NDST3: variants seen among roughly 807,000 people sequenced by gnomAD.
NDST3 encodes the protein N-deacetylase and N-sulfotransferase 3, also known as bifunctional heparan sulfate N-deacetylase/N-sulfotransferase 3.
NDST3 carries 58 observed loss-of-function variants against 96.1 expected under a neutral mutation model. That is an observed-to-expected ratio of 0.60 (90% CI 0.49 to 0.75). The LOEUF (loss-of-function observed/expected upper bound fraction) is 0.75. NDST3 is among the 30% of genes least tolerant of loss of function. NDST3 has a pLI of 0.00. For synonymous variants in NDST3, 333 were observed against 359.7 expected (o/e 0.93, Z 0.84); for missense variants, 788 against 1,034.2 (o/e 0.76, Z 3.27).
intron 3 of NDST3, among the ~76,000 whole-genome samples, chr4:118,111,489 G>A (rs1312239500): frequency 6.6e-6 from 1 of 151,206 alleles, no homozygotes; most frequent in Non-Finnish European, 1.5e-5. Context: ...CCAACCAAAT[G>A]TAATTAACCC....
At chr4:118,135,251 G>A (rs977416436) in intron 4 of NDST3, among the ~76,000 whole-genome samples, 2 of 152,178 alleles carry the variant, frequency 1.3e-5, no homozygotes, top group Admixed American at 6.5e-5. Context: ...AATCAGAAGA[G>A]AAGCAGGCTT....
At chr4:118,039,766 G>A (rs1724342487) in intron 1 of NDST3, among the ~76,000 whole-genome samples, 1 of 152,150 alleles carries the variant, frequency 6.6e-6, no homozygotes, top group Admixed American at 6.5e-5. Context: ...GCAGCATGTG[G>A]AAAGACCCTG....
At chr4:118,219,351 C>T (rs1051310304) in intron 6 of NDST3, among the ~76,000 whole-genome samples, 1 of 152,022 alleles carries the variant, frequency 6.6e-6, no homozygotes, top group African/African-American at 2.4e-5. Context: ...ACATATAGAC[C>T]AATGGAACAG....
At chr4:118,057,136 T>C (rs1448321549) in intron 2 of NDST3, among the ~76,000 whole-genome samples, 1 of 151,924 alleles carries the variant, frequency 6.6e-6, no homozygotes, top group Non-Finnish European at 1.5e-5. Flanking sequence ...TTGAACAACT[T>C]AGTAATTGGC....
At chr4:118,247,530 C>T (rs568545152) in intron 12 of NDST3, among the ~76,000 whole-genome samples, 40 of 151,420 alleles carry the variant, frequency 2.6e-4, no homozygotes, top group Admixed American at 1.5e-3. Flanking sequence ...CCAGCCTGGG[C>T]GACAAGAGTG....
intron 1 of NDST3, among the ~76,000 whole-genome samples, chr4:118,046,059 T>C (rs535111701): frequency 6.6e-6 from 1 of 151,828 alleles, no homozygotes; most frequent in South Asian, 2.1e-4. Flanking sequence ...TGGACAGATC[T>C]CTAGAAAGAA....
intron 6 of NDST3, among the ~76,000 whole-genome samples, chr4:118,178,295 G>A (rs1736395441): frequency 6.6e-6 from 1 of 151,868 alleles, no homozygotes; most frequent in Non-Finnish European, 1.5e-5. Context: ...TTTTCATATT[G>A]CAAATCTGCA....
At chr4:118,207,900 T>A (rs1413193361) in intron 6 of NDST3, among the ~76,000 whole-genome samples, 2 of 144,716 alleles carry the variant, frequency 1.4e-5, no homozygotes, top group Non-Finnish European at 3.1e-5. Context: ...ATGGTTCAGA[T>A]TTCATAACCT....
chr4:118,192,929 G>A (rs1458350271), intron 6 of NDST3, among the ~76,000 whole-genome samples: 1 of 152,106 alleles, frequency 6.6e-6, no homozygotes, highest in East Asian at 1.9e-4. Flanking sequence ...CTGGGGTGAG[G>A]AAGGGAACAG....
At chr4:118,035,370 G>C (rs1019734483) in intron 1 of NDST3, among the ~76,000 whole-genome samples, 3 of 151,364 alleles carry the variant, frequency 2.0e-5, no homozygotes, top group African/African-American at 7.3e-5. Context: ...TAATACATTT[G>C]TATTAAATTA....
chr4:118,168,161 T>G (rs2125933613), intron 6 of NDST3, among the ~76,000 whole-genome samples: 1 of 152,040 alleles, frequency 6.6e-6, no homozygotes, highest in South Asian at 2.1e-4. Context: ...TACCCTCATA[T>G]TGTATGTCTA....
intron 2 of NDST3, among the ~76,000 whole-genome samples, chr4:118,089,698 C>T (rs1439138951): frequency 6.6e-6 from 1 of 151,918 alleles, no homozygotes; most frequent in Non-Finnish European, 1.5e-5. Flanking sequence ...ACCAATTATA[C>T]ATAAGATCTG....
At chr4:118,083,508 C>A (rs1464271235) in intron 2 of NDST3, among the ~76,000 whole-genome samples, 1 of 151,882 alleles carries the variant, frequency 6.6e-6, no homozygotes, top group African/African-American at 2.4e-5. Flanking sequence ...TTGTCAGTAC[C>A]CTTTGATGAG....
chr4:118,173,606 T>C (rs907526100), intron 6 of NDST3, among the ~76,000 whole-genome samples: 4 of 152,150 alleles, frequency 2.6e-5, no homozygotes, highest in African/African-American at 9.6e-5. Context: ...AGCATAGCTA[T>C]ATAGCAGTAT....
intron 6 of NDST3, among the ~76,000 whole-genome samples, chr4:118,190,566 G>C (rs1017173353): frequency 6.6e-6 from 1 of 152,120 alleles, no homozygotes; most frequent in Non-Finnish European, 1.5e-5. Flanking sequence ...GAAGGGTAGG[G>C]CCTGTCTGAG....
upstream of NDST3, chr4:118,033,611 G>C (rs2110412295): frequency 6.6e-6 from 1 of 151,992 alleles, no homozygotes; most frequent in South Asian, 2.0e-4. Context: ...CCGCCCGGGA[G>C]GCGGTGGCGA....
chr4:118,054,495 T>C lies in NDST3; in HGVS notation c.585T>C (p.Ile195=), dbSNP rs200297586. Residue 195 remains isoleucine (I), a synonymous_variant, in exon 2 of 14, where the codon ATT becomes ATC. Coordinates refer to ENST00000296499, the MANE Select transcript of NDST3 (RefSeq NM_004784.3). ...ATCTTGCAGTAAAAGATTGTTGTAT[T>C]AATCCTCATTCTCCATTGATTCGTG... ...YGNLAVKDCC[I]NPHSPLIRVT... The C allele has an allele frequency of 1.4e-5, 22 of 1,613,272 alleles. No homozygotes were observed. The East Asian group carries it at 4.5e-4, about 33-fold the overall frequency.
In NDST3 at chr4:118,160,480, A is replaced by C. The variant is rs555743257; in HGVS notation, c.1539+16796A>C. The stretch of plus-strand genomic sequence containing the variant: ...AAACAAATTTACAAGAAAAAAAAAA[A>C]ACAACTTTATTTAAAAAGTGAGCAA... On this transcript the variant is annotated intron_variant, in intron 6 of 13. Transcript: ENST00000296499. Among the ~76,000 whole-genome samples, 157 of 152,032 alleles carry C rather than the reference A, an allele frequency of 1.0e-3. 1 individual carries two copies. The highest frequency in any genetic ancestry group is 1.5e-3 in the Non-Finnish European group (104 of 67,942).
chr4:118,040,844 T>C (rs1459456389), intron 1 of NDST3, among the ~76,000 whole-genome samples: 1 of 138,886 alleles, frequency 7.2e-6, no homozygotes, highest in Non-Finnish European at 1.5e-5. Context: ...GTCCAACTAA[T>C]TTATATATAT....
Sources: gnomAD v4.1 joint callset for allele counts (sites outside exome capture counted in the v4.1 genomes callset) on GRCh38, gnomAD v4.1.1 for gene constraint, MANE v1.5 for transcripts, NCBI Gene and HGNC (gene_info 2026-07-23, HGNC 2026-07-21) for gene names.